Variants in PDCD6IP observed in about 807,000 individuals in gnomAD.
PDCD6IP encodes the protein programmed cell death 6-interacting protein.
PDCD6IP carries 43 observed loss-of-function variants against 103.7 expected under a neutral mutation model. The observed-to-expected ratio is 0.41, with a 90% CI of 0.32 to 0.53. The LOEUF (loss-of-function observed/expected upper bound fraction) is 0.53. Among genes scored for constraint, PDCD6IP ranks in the 20% least tolerant of loss-of-function variants. The pLI is 0.16. For synonymous variants in PDCD6IP, 354 were observed against 378.7 expected (o/e 0.93, Z 0.76); for missense variants, 871 against 1,036.7 (o/e 0.84, Z 2.20).
In PDCD6IP at chr3:33,867,379, C is replaced by A. The variant is rs879220848; in HGVS notation, c.*854C>A. ...TAATTCTTGCATTTTTTCCCCATAA[C>A]CTGGTTAAAATAAATACGCCATTGG... On this transcript the variant is annotated 3_prime_UTR_variant, in exon 18 of 18. Transcript: ENST00000307296. 6.6e-6 allele frequency: 1 copy of A among 152,092 alleles called. No homozygotes were observed. Among genetic ancestry groups the A allele is most frequent in the Non-Finnish European group, 1.5e-5 (1 of 68,010 alleles). The allele number at this position is 152,092 out of a possible 1,614,324, so 9.4% of individuals were successfully genotyped here. A position where few individuals can be genotyped will look rare whatever the true frequency, so the allele number is the denominator to read the frequency against.
At chr3:33,857,032 T>C (rs560311483) in intron 15 of PDCD6IP, among the ~76,000 whole-genome samples, 1 of 152,262 alleles carries the variant, frequency 6.6e-6, no homozygotes, top group Non-Finnish European at 1.5e-5. Flanking sequence ...AACATGTTCA[T>C]GTTCATTCAC....
chr3:33,805,211 C>T (rs899568550), intron 1 of PDCD6IP, among the ~76,000 whole-genome samples: 1 of 151,730 alleles, frequency 6.6e-6, no homozygotes, highest in African/African-American at 2.4e-5. Context: ...AAAAAGTTAG[C>T]CGGTCATGGT....
chr3:33,849,183 C>T (rs1575937366), intron 12 of PDCD6IP, among the ~76,000 whole-genome samples: 1 of 152,180 alleles, frequency 6.6e-6, no homozygotes, highest in Non-Finnish European at 1.5e-5. Flanking sequence ...TCTGTTTGAC[C>T]TCATCTCCTG....
At chr3:33,826,667 T>C (rs552759626) in intron 6 of PDCD6IP, 87 bp downstream of exon 6, 9 of 1,540,934 alleles carry the variant, frequency 5.8e-6, no homozygotes, top group East Asian at 2.4e-5. Context: ...TTGAAACTTA[T>C]AAAGAAATTT....
At position 33,825,411 on chromosome 3, in the gene PDCD6IP, G is replaced by T. The variant is rs528190811; in HGVS notation, c.616+71G>T. 6.9e-6 allele frequency: 9 copies of T among 1,297,200 alleles called. No homozygotes were observed. The African/African-American group carries it at 9.0e-5, about 13-fold the overall frequency. 80.4% of individuals were successfully genotyped at this position (1,297,200 alleles called of 1,614,324 possible). On this transcript the variant is annotated intron_variant, in intron 5 of 17. Coordinates refer to ENST00000307296, the MANE Select transcript of PDCD6IP (RefSeq NM_013374.6). Reference sequence around the variant, plus strand: ...GGCTTTTAAATTAAGAAAGTGATTAGAATATAATATGTTCAATGTCGAGCT... The same window carrying T: ...GGCTTTTAAATTAAGAAAGTGATTATAATATAATATGTTCAATGTCGAGCT...
At chr3:33,860,120 G>A (rs927633791) in intron 15 of PDCD6IP, among the ~76,000 whole-genome samples, 12 of 152,084 alleles carry the variant, frequency 7.9e-5, no homozygotes, top group Admixed American at 1.3e-4. Flanking sequence ...GCTTGTTTAC[G>A]CACAAGGAAG....
At chr3:33,819,679 G>A (rs904414418) in intron 3 of PDCD6IP, among the ~76,000 whole-genome samples, 1 of 152,188 alleles carries the variant, frequency 6.6e-6, no homozygotes, top group African/African-American at 2.4e-5. Context: ...TACAAATGTA[G>A]TGTTGTTCTG....
chr3:33,830,064 C>T (rs747211108), intron 7 of PDCD6IP, among the ~76,000 whole-genome samples: 7 of 152,172 alleles, frequency 4.6e-5, no homozygotes, highest in Non-Finnish European at 8.8e-5. Flanking sequence ...TATGCCCCCA[C>T]GTCCCAACAC....
chr3:33,826,704 A>G (rs1697133912), intron 6 of PDCD6IP, 124 bp downstream of exon 6: 4 of 1,389,576 alleles, frequency 2.9e-6, no homozygotes, highest in African/African-American at 1.5e-5. Flanking sequence ...TATCTGAAGT[A>G]TATAGTAGAA....
At chr3:33,838,410 A>G (rs946525983) in intron 9 of PDCD6IP, 83 bp downstream of exon 9, 2 of 1,252,938 alleles carry the variant, frequency 1.6e-6, no homozygotes, top group East Asian at 2.3e-5. Context: ...CTGAGCTTAG[A>G]GCTAAATGTC....
chr3:33,841,352 T>C (rs948712676), intron 9 of PDCD6IP, among the ~76,000 whole-genome samples: 2 of 151,320 alleles, frequency 1.3e-5, no homozygotes, highest in African/African-American at 2.4e-5. Flanking sequence ...AATTCTGAAT[T>C]GTGGGCTTCA....
intron 7 of PDCD6IP, among the ~76,000 whole-genome samples, chr3:33,832,996 A>G (rs943990253): frequency 6.6e-6 from 1 of 152,130 alleles, no homozygotes; most frequent in African/African-American, 2.4e-5. Context: ...CTGTTACCCA[A>G]CTTAAGTGAT....
At position 33,866,616 on chromosome 3, in the gene PDCD6IP, T is replaced by C. The variant is rs755772927; in HGVS notation, c.*91T>C. 110 of 1,062,888 alleles carry C rather than the reference T, an allele frequency of 1.0e-4. 1 individual carries two copies. Among genetic ancestry groups the C allele is most frequent in the Admixed American group, 2.1e-4 (8 of 38,850 alleles). 65.8% of individuals were successfully genotyped at this position (1,062,888 alleles called of 1,614,324 possible). ...GTACTAAACTCTACGCTCTGGTTAA[T>C]GTAATGTACTCTCCTGGACTGAATG... On this transcript the variant is annotated 3_prime_UTR_variant, in exon 18 of 18. Transcript: ENST00000307296.
At chr3:33,837,594 T>A (rs1168605266) in intron 8 of PDCD6IP, among the ~76,000 whole-genome samples, 2 of 151,870 alleles carry the variant, frequency 1.3e-5, no homozygotes, top group East Asian at 3.9e-4. Context: ...CAGTCAATTT[T>A]TTTTTTTTTT....
intron 15 of PDCD6IP, among the ~76,000 whole-genome samples, chr3:33,860,455 G>GCGTACACC (rs1697928084): frequency 6.6e-6 from 1 of 152,278 alleles, no homozygotes; most frequent in East Asian, 1.9e-4. Context: ...TTCACAAACT[G>GCGTACACC]CGTACACCCA....
chr3:33,842,772 A>G lies in PDCD6IP; in HGVS notation c.1359+698A>G, dbSNP rs545334255. Among the ~76,000 whole-genome samples the G allele has an allele frequency of 9.0e-4, 137 of 152,318 alleles. No individual in the cohort carries two copies. The Middle Eastern group carries it at 0.01, about 11-fold the overall frequency. On this transcript the variant is annotated intron_variant, in intron 10 of 17. Coordinates refer to ENST00000307296, the MANE Select transcript of PDCD6IP (RefSeq NM_013374.6). ...CATTTGTTAAAACTAGGAAATTGAC[A>G]TTGGTACAGTATTATTACTCAGATT... is the stretch of plus-strand genomic sequence containing the variant.
intron 2 of PDCD6IP, among the ~76,000 whole-genome samples, chr3:33,812,373 A>G (rs1483530615): frequency 6.6e-6 from 1 of 152,224 alleles, no homozygotes; most frequent in Admixed American, 6.5e-5. Flanking sequence ...ATTTTATGTC[A>G]GTAGGATCTG....
intron 15 of PDCD6IP, among the ~76,000 whole-genome samples, chr3:33,862,114 G>T (rs997121821): frequency 6.6e-6 from 1 of 151,972 alleles, no homozygotes; most frequent in African/African-American, 2.4e-5. Flanking sequence ...GAAAAGAAAG[G>T]TATTGTGTTA....
chr3:33,829,718 T>C (rs1196406088), intron 7 of PDCD6IP, among the ~76,000 whole-genome samples: 2 of 152,270 alleles, frequency 1.3e-5, no homozygotes, highest in South Asian at 2.1e-4. Context: ...AGTTTAAATA[T>C]GTACTGATTT....
Sources: allele counts gnomAD v4.1 joint callset (sites outside exome capture counted in the v4.1 genomes callset), GRCh38; gene constraint gnomAD v4.1.1; transcripts MANE v1.5; gene names NCBI Gene and HGNC (gene_info 2026-07-23, HGNC 2026-07-21).